Variants in HSPA12A observed in about 807,000 individuals in gnomAD.
HSPA12A encodes heat shock 70 kDa protein 12A.
Under a neutral mutation model 69.2 loss-of-function variants are expected in HSPA12A, and 28 were observed. The observed-to-expected ratio is 0.40, with a 90% CI of 0.30 to 0.55. HSPA12A has a LOEUF of 0.55. Ranked by LOEUF, HSPA12A falls within the 20% of genes least tolerant of loss-of-function variation. HSPA12A has a pLI of 0.38. For synonymous variants in HSPA12A, 345 were observed against 370.5 expected (o/e 0.93, Z 0.79); for missense variants, 686 against 900.7 (o/e 0.76, Z 3.05).
At chr10:116,776,776 A>G (rs115215096) in intron 2 of HSPA12A, among the ~76,000 whole-genome samples, 2,255 of 152,324 alleles carry the variant, frequency 0.015, 66 homozygotes, top group African/African-American at 0.051. Context: ...ACTGGGCTTA[A>G]TGTAATCTTA....
chr10:116,675,416 C>G lies in HSPA12A; in HGVS notation c.1393G>C (p.Asp465His). Reference protein sequence around the residue: ...TIDSIIEHLRDLFQKPEVSTV... With the variant: ...TIDSIIEHLRHLFQKPEVSTV... Reference sequence around the variant, plus strand: ...GACACCTCGGGCTTCTGAAACAGGTCCCCTGGAAGGGAAGAGGCAGGGAGA... The same window carrying G: ...GACACCTCGGGCTTCTGAAACAGGTGCCCTGGAAGGGAAGAGGCAGGGAGA... Residue 465 changes from aspartate to histidine, a missense_variant and splice_region_variant, in exon 12 of 12, where the codon GAC becomes CAC. By Grantham distance (81) the Asp-to-His change is moderately conservative (BLOSUM62 -1). Transcript: ENST00000369209. This position sits in a 1 kb window ranked among gnomAD's most constrained non-coding sequence, Gnocchi z 5.2. 4 of 1,584,776 alleles carry G rather than the reference C, an allele frequency of 2.5e-6. No homozygotes were observed. The South Asian group carries it at 3.5e-5, about 14-fold the overall frequency.
At chr10:116,758,251 G>A (rs1222422326) in intron 2 of HSPA12A, among the ~76,000 whole-genome samples, 3 of 152,230 alleles carry the variant, frequency 2.0e-5, no homozygotes, top group Non-Finnish European at 4.4e-5. Flanking sequence ...GAGAAGCATC[G>A]CTAGCTCTGC....
intron 1 of HSPA12A, among the ~76,000 whole-genome samples, chr10:116,732,065 T>TGTAATCC (rs1851168276): frequency 2.0e-5 from 3 of 151,958 alleles, no homozygotes; most frequent in African/African-American, 7.3e-5. Context: ...GGGTGGTGGC[T>TGTAATCC]CATGCCTGTA....
intron 1 of HSPA12A, among the ~76,000 whole-genome samples, chr10:116,709,744 G>A (rs79340018): frequency 0.031 from 4,681 of 152,182 alleles, 99 homozygotes; most frequent in East Asian, 0.074. Context: ...ATTTCTCTTT[G>A]GGGTAGTGAA....
At chr10:116,734,854 T>A (rs1554886289) in intron 1 of HSPA12A, among the ~76,000 whole-genome samples, 1 of 151,652 alleles carries the variant, frequency 6.6e-6, no homozygotes, top group Admixed American at 6.6e-5. Flanking sequence ...TAGCCAGGCG[T>A]GGTGGTGGGC....
intron 2 of HSPA12A, among the ~76,000 whole-genome samples, chr10:116,824,127 T>C (rs1275298941): frequency 6.6e-6 from 1 of 152,212 alleles, no homozygotes; most frequent in Non-Finnish European, 1.5e-5. Flanking sequence ...AGAAGATGTA[T>C]ACAAATGTCC....
At chr10:116,701,656 G>T (rs1589642261) in intron 3 of HSPA12A, among the ~76,000 whole-genome samples, 1 of 152,322 alleles carries the variant, frequency 6.6e-6, no homozygotes, top group East Asian at 1.9e-4. Context: ...CAGACAACTG[G>T]ATCTCAAAGG....
At chr10:116,781,342 T>C (rs2133135618) in intron 2 of HSPA12A, among the ~76,000 whole-genome samples, 1 of 152,026 alleles carries the variant, frequency 6.6e-6, no homozygotes, top group Admixed American at 6.5e-5. Context: ...CTCTCTCTAC[T>C]CCCCAATCAG....
At chr10:116,774,579 G>T (rs958887181) in intron 2 of HSPA12A, among the ~76,000 whole-genome samples, 2 of 152,208 alleles carry the variant, frequency 1.3e-5, no homozygotes, top group South Asian at 4.1e-4. Flanking sequence ...GTGCTCTTGG[G>T]TCTCTTCACA....
chr10:116,681,970 T>C, intron 7 of HSPA12A, 93 bp from the exon 8 acceptor site: 2 of 1,122,596 alleles, frequency 1.8e-6, no homozygotes, highest in East Asian at 2.4e-5. Flanking sequence ...CATGAGGAGA[T>C]TTAGGGATGG....
At position 116,675,211 on chromosome 10, in the gene HSPA12A, G is replaced by A. The variant is rs1269136465; in HGVS notation, c.1598C>T (p.Ser533Leu). The A allele has an allele frequency of 2.5e-6, 4 of 1,613,624 alleles. No individual in the cohort carries two copies. Among genetic ancestry groups the A allele is most frequent in the Non-Finnish European group, 3.4e-6 (4 of 1,180,036 alleles). ...LDPAVIKVRR[S>L]PLTYGVGVLN... ...CACGCCTACCCCGTAGGTGAGCGGC[G>A]ACCGGCGCACCTTGATGACCGCGGG... The change falls in exon 12 of 12, where the codon TCG becomes TTG. Residue 533 changes from serine (S) to leucine (L), a missense_variant. Coordinates refer to ENST00000369209, the MANE Select transcript of HSPA12A (RefSeq NM_025015.3). This position sits in a 1 kb window ranked among gnomAD's most constrained non-coding sequence, Gnocchi z 5.2.
At chr10:116,748,779 G>A (rs1851706619) in intron 2 of HSPA12A, among the ~76,000 whole-genome samples, 1 of 152,128 alleles carries the variant, frequency 6.6e-6, no homozygotes, top group Non-Finnish European at 1.5e-5. Context: ...GAACAGCATG[G>A]GAAAGAGCTG....
chr10:116,810,114 G>T (rs933677217), intron 2 of HSPA12A, among the ~76,000 whole-genome samples: 1 of 152,166 alleles, frequency 6.6e-6, no homozygotes, highest in African/African-American at 2.4e-5. Flanking sequence ...AGCCATGGGG[G>T]GTGCTGGGGT....
At chr10:116,803,662 A>C (rs570178711) in intron 2 of HSPA12A, among the ~76,000 whole-genome samples, 5 of 152,292 alleles carry the variant, frequency 3.3e-5, no homozygotes, top group African/African-American at 1.2e-4. Context: ...GAATGATCGG[A>C]GCGTGAACTG....
At chr10:116,732,935 C>T (rs1851206395) in intron 1 of HSPA12A, among the ~76,000 whole-genome samples, 1 of 152,134 alleles carries the variant, frequency 6.6e-6, no homozygotes, top group South Asian at 2.1e-4. Context: ...TCTTCCCCTC[C>T]CTGACTTCAG....
chr10:116,839,781 T>C (rs1845775943), intron 1 of HSPA12A, among the ~76,000 whole-genome samples: 1 of 152,088 alleles, frequency 6.6e-6, no homozygotes, highest in South Asian at 2.1e-4. Context: ...AACTGCATGA[T>C]CGTAAACATA....
intron 2 of HSPA12A, among the ~76,000 whole-genome samples, chr10:116,803,577 G>A (rs1845005920): frequency 6.6e-6 from 1 of 152,172 alleles, no homozygotes. Flanking sequence ...CTTCTGTGTG[G>A]GCCTTTTGTT....
At chr10:116,681,314 G>T in intron 8 of HSPA12A, 58 bp from the exon 9 acceptor site, 2 of 1,412,550 alleles carry the variant, frequency 1.4e-6, no homozygotes, top group South Asian at 1.1e-5. Flanking sequence ...TCTGAAACAA[G>T]CTTGTGGGTG....
intron 4 of HSPA12A, among the ~76,000 whole-genome samples, chr10:116,700,203 A>G (rs2132963605): frequency 6.6e-6 from 1 of 152,378 alleles, no homozygotes; most frequent in East Asian, 1.9e-4. Flanking sequence ...ATCTGGCCCC[A>G]GAGTCCGTGT....
Sources: gnomAD v4.1 joint callset for allele counts (sites outside exome capture counted in the v4.1 genomes callset) on GRCh38, gnomAD v4.1.1 for gene constraint, Gnocchi (gnomAD v3.1) non-coding constraint, MANE v1.5 for transcripts, NCBI Gene and HGNC (gene_info 2026-07-23, HGNC 2026-07-21) for gene names.